Variants in ABLIM3 observed in about 807,000 individuals in gnomAD.
ABLIM3 encodes actin-binding LIM protein 3.
ABLIM3 carries 61 observed loss-of-function variants against 109.5 expected under a neutral mutation model. The ratio of observed to expected loss-of-function variants is 0.56; its 90% CI spans 0.45 to 0.69. The LOEUF is 0.69. Ranked by LOEUF, ABLIM3 falls within the 30% of genes least tolerant of loss-of-function variation. ABLIM3 has a pLI of 0.00. For missense variants in ABLIM3, 796 were observed against 889.5 expected (o/e 0.89, Z 1.34); for synonymous variants, 300 against 324.8 (o/e 0.92, Z 0.82).
At chr5:149,176,439 C>T (rs1378748402) in intron 2 of ABLIM3, among the ~76,000 whole-genome samples, 1 of 152,168 alleles carries the variant, frequency 6.6e-6, no homozygotes, top group Non-Finnish European at 1.5e-5. Context: ...CAGAGGTAGC[C>T]ATTCCACTGG....
At chr5:149,243,105 A>T (rs1420110498) in intron 15 of ABLIM3, among the ~76,000 whole-genome samples, 1 of 152,168 alleles carries the variant, frequency 6.6e-6, no homozygotes, top group Non-Finnish European at 1.5e-5. Context: ...TCTTTCATTC[A>T]TTCATTGATT....
intron 7 of ABLIM3, among the ~76,000 whole-genome samples, chr5:149,211,377 A>G (rs900824788): frequency 2.6e-5 from 4 of 152,074 alleles, no homozygotes; most frequent in African/African-American, 9.7e-5. Context: ...GCCCCTGTGC[A>G]CTGGTCTTTC....
At chr5:149,228,184 T>C (rs997429241) in intron 8 of ABLIM3, among the ~76,000 whole-genome samples, 8 of 152,232 alleles carry the variant, frequency 5.3e-5, no homozygotes, top group Non-Finnish European at 8.8e-5. Flanking sequence ...ATTCAGTTCT[T>C]AGGTGTTAAA....
At chr5:149,222,661 CT>C (rs552243427) in intron 8 of ABLIM3, among the ~76,000 whole-genome samples, 1,857 of 124,264 alleles carry the variant, frequency 0.015, 15 homozygotes, top group Non-Finnish European at 0.022. Flanking sequence ...TTTCAGATTA[CT>C]TTTTTTTTTT....
At chr5:149,255,490 A>G (rs1581257056) in intron 23 of ABLIM3, among the ~76,000 whole-genome samples, 1 of 152,364 alleles carries the variant, frequency 6.6e-6, no homozygotes. Context: ...TGCTAAGGAA[A>G]AAAGTTAAAG....
chr5:149,215,710 A>G (rs1395444746), intron 7 of ABLIM3, among the ~76,000 whole-genome samples: 1 of 152,124 alleles, frequency 6.6e-6, no homozygotes, highest in Non-Finnish European at 1.5e-5. Context: ...CCCTGCCCTG[A>G]CGTTGCAAAA....
At chr5:149,242,311 G>T (rs767796356) in intron 14 of ABLIM3, among the ~76,000 whole-genome samples, 180 bp from the exon 15 acceptor site, 16 of 152,194 alleles carry the variant, frequency 1.1e-4, no homozygotes, top group Non-Finnish European at 2.1e-4. Flanking sequence ...TTGGGACGAG[G>T]TTGAAAGTTC....
chr5:149,158,342 T>C (rs765279378), intron 2 of ABLIM3, among the ~76,000 whole-genome samples: 1 of 152,174 alleles, frequency 6.6e-6, no homozygotes, highest in Non-Finnish European at 1.5e-5. Context: ...GCCTGTCAAA[T>C]GAATGTGTTT....
chr5:149,250,638 T>C (rs1177852574), intron 20 of ABLIM3, 133 bp downstream of exon 20: 3 of 1,032,226 alleles, frequency 2.9e-6, no homozygotes, highest in East Asian at 5.2e-5. Context: ...CACAACTGTA[T>C]GGCAATGACT....
intron 2 of ABLIM3, among the ~76,000 whole-genome samples, chr5:149,164,729 G>A (rs1029684712): frequency 6.6e-6 from 1 of 152,180 alleles, no homozygotes; most frequent in East Asian, 1.9e-4. Context: ...TATTTGGAGA[G>A]GGAGGAGGGG....
intron 2 of ABLIM3, among the ~76,000 whole-genome samples, chr5:149,144,299 C>T (rs1752731455): frequency 6.6e-6 from 1 of 152,142 alleles, no homozygotes; most frequent in Non-Finnish European, 1.5e-5. Flanking sequence ...AAGCACAGAG[C>T]TTTGAGGGCT....
intron 2 of ABLIM3, among the ~76,000 whole-genome samples, chr5:149,148,875 C>G (rs1163259558): frequency 6.6e-6 from 1 of 152,178 alleles, no homozygotes; most frequent in African/African-American, 2.4e-5. Flanking sequence ...GCCCCTCTGC[C>G]CAGCCCCACA....
chr5:149,199,426 C>T (rs1758295020), intron 4 of ABLIM3, among the ~76,000 whole-genome samples: 1 of 152,160 alleles, frequency 6.6e-6, no homozygotes, highest in Non-Finnish European at 1.5e-5. Flanking sequence ...TTCATCTACC[C>T]AGCTCTTAAA....
chr5:149,259,535 A>G lies in ABLIM3; in HGVS notation c.*1131A>G, dbSNP rs1581266440. ...CTCGGCTCCTGCTGCAAAGTTGGCC[A>G]TGTTTCACAGGGAAACTTTTGGAAG... On this transcript the variant is annotated 3_prime_UTR_variant, in exon 24 of 24. Coordinates refer to ENST00000309868, the MANE Select transcript of ABLIM3 (RefSeq NM_014945.5). 3 of 1,536,282 alleles carry G rather than the reference A, an allele frequency of 2.0e-6. No homozygotes were observed. Among genetic ancestry groups the G allele is most frequent in the Non-Finnish European group, 2.6e-6 (3 of 1,146,940 alleles).
intron 9 of ABLIM3, among the ~76,000 whole-genome samples, chr5:149,231,420 TG>T (rs2127546481): frequency 6.6e-6 from 1 of 152,246 alleles, no homozygotes; most frequent in Non-Finnish European, 1.5e-5. Flanking sequence ...GGGTGTGTGT[TG>T]GGGGATGGGG....
chr5:149,154,812 A>G (rs571892496), intron 2 of ABLIM3, among the ~76,000 whole-genome samples: 2 of 152,212 alleles, frequency 1.3e-5, no homozygotes, highest in Admixed American at 1.3e-4. Flanking sequence ...CACACTCAAC[A>G]TGGTGTTTGA....
At chr5:149,155,478 A>T (rs1021015738) in intron 2 of ABLIM3, among the ~76,000 whole-genome samples, 120 of 152,294 alleles carry the variant, frequency 7.9e-4, no homozygotes, top group African/African-American at 2.6e-3. Flanking sequence ...GGGTGCTGAG[A>T]GGGAAGGAAA....
At chr5:149,166,201 C>T (rs1754807494) in intron 2 of ABLIM3, among the ~76,000 whole-genome samples, 1 of 152,184 alleles carries the variant, frequency 6.6e-6, no homozygotes, top group African/African-American at 2.4e-5. Context: ...AGGGGCTGTG[C>T]CTGTTTAGTC....
chr5:149,198,499 T>A lies in ABLIM3; in HGVS notation c.335+97T>A, dbSNP rs879521478. On this transcript the variant is annotated intron_variant, in intron 4 of 23. Transcript: ENST00000309868. This position sits in a 1 kb window ranked among gnomAD's most constrained non-coding sequence, Gnocchi z 4.2. ...CCAGGAAGTTCTGGGGTTTACAAGGTTTGTGCTGCACATTTAGATTTCTGG... is the reference window on the plus strand; with the variant it reads ...CCAGGAAGTTCTGGGGTTTACAAGGATTGTGCTGCACATTTAGATTTCTGG... The A allele has an allele frequency of 7.1e-7, 1 of 1,401,148 alleles. No homozygotes were observed. Among genetic ancestry groups the A allele is most frequent in the Non-Finnish European group, 9.5e-7 (1 of 1,053,344 alleles). 86.8% of individuals were successfully genotyped at this position (1,401,148 alleles called of 1,614,324 possible).
Sources: allele counts gnomAD v4.1 joint callset (sites outside exome capture counted in the v4.1 genomes callset), GRCh38; gene constraint gnomAD v4.1.1; non-coding constraint Gnocchi (gnomAD v3.1); transcripts MANE v1.5; gene names NCBI Gene and HGNC (gene_info 2026-07-23, HGNC 2026-07-21).